Variants in RCAN2 observed in about 807,000 individuals in gnomAD.
RCAN2 encodes the protein regulator of calcineurin 2, also known as calcipressin-2.
In RCAN2, 9 loss-of-function variants were observed where a neutral mutation model predicts 23.6. The ratio of observed to expected loss-of-function variants is 0.38; its 90% CI spans 0.23 to 0.67. The LOEUF (loss-of-function observed/expected upper bound fraction) is 0.67, where lower values mean the gene tolerates loss of function less well. RCAN2 is among the 30% of genes least tolerant of loss of function. The probability of loss-of-function intolerance (pLI) is 0.51; values close to 1 mark genes in which losing one functional copy is unlikely to be tolerated. For synonymous variants in RCAN2, 109 were observed against 115.7 expected (o/e 0.94, Z 0.37); for missense variants, 273 against 302.3 (o/e 0.90, Z 0.72).
At chr6:46,229,055 C>T (rs1176244229) in intron 4 of RCAN2, among the ~76,000 whole-genome samples, 1 of 152,146 alleles carries the variant, frequency 6.6e-6, no homozygotes, top group Admixed American at 6.5e-5. Context: ...ATATGAAATT[C>T]TGGGTTGAAA....
At chr6:46,443,302 A>G (rs1767607018) in intron 2 of RCAN2, among the ~76,000 whole-genome samples, 1 of 152,154 alleles carries the variant, frequency 6.6e-6, no homozygotes, top group Admixed American at 6.5e-5. Context: ...TTTACAACAT[A>G]TATTCAGTGA....
At chr6:46,287,632 G>A (rs1015084388) in intron 2 of RCAN2, among the ~76,000 whole-genome samples, 4 of 152,214 alleles carry the variant, frequency 2.6e-5, no homozygotes, top group African/African-American at 9.6e-5. Flanking sequence ...ACTTTTCACA[G>A]AAGTAGAATA....
intron 2 of RCAN2, among the ~76,000 whole-genome samples, chr6:46,385,851 T>C (rs1382623672): frequency 3.3e-5 from 3 of 90,500 alleles, no homozygotes; most frequent in African/African-American, 9.4e-5. Flanking sequence ...AACAAGACTC[T>C]CTCTCTCTCA....
chr6:46,378,847 C>T (rs918398711), intron 2 of RCAN2, among the ~76,000 whole-genome samples: 17 of 152,166 alleles, frequency 1.1e-4, no homozygotes, highest in African/African-American at 4.1e-4. Flanking sequence ...AGATATTTGG[C>T]AAACTAATTG....
chr6:46,270,133 G>T (rs2150332436), intron 2 of RCAN2, among the ~76,000 whole-genome samples: 1 of 152,250 alleles, frequency 6.6e-6, no homozygotes, highest in Middle Eastern at 3.4e-3. Flanking sequence ...TTGGGCTTGT[G>T]GGTGGGAAGT....
At chr6:46,292,160 A>AC (rs1762582008) in intron 2 of RCAN2, among the ~76,000 whole-genome samples, 1 of 152,212 alleles carries the variant, frequency 6.6e-6, no homozygotes, top group Non-Finnish European at 1.5e-5. Context: ...TTCAACAGAG[A>AC]GAGGATACAA....
chr6:46,393,496 G>A (rs982609840), intron 2 of RCAN2, among the ~76,000 whole-genome samples: 6 of 152,288 alleles, frequency 3.9e-5, no homozygotes, highest in African/African-American at 1.4e-4. Flanking sequence ...ACGGTGGGAT[G>A]AGGGGCATTT....
At chr6:46,424,253 G>C (rs1766972285) in intron 2 of RCAN2, among the ~76,000 whole-genome samples, 1 of 152,130 alleles carries the variant, frequency 6.6e-6, no homozygotes, top group Admixed American at 6.6e-5. Flanking sequence ...AAGGTAAGTG[G>C]GAATATTATC....
intron 2 of RCAN2, among the ~76,000 whole-genome samples, chr6:46,322,248 G>C (rs1763641760): frequency 6.6e-6 from 1 of 152,178 alleles, no homozygotes; most frequent in Non-Finnish European, 1.5e-5. Flanking sequence ...CACACACACA[G>C]AAATTCTGCA....
At chr6:46,238,238 A>T (rs1766177063) in intron 4 of RCAN2, among the ~76,000 whole-genome samples, 1 of 152,098 alleles carries the variant, frequency 6.6e-6, no homozygotes, top group Non-Finnish European at 1.5e-5. Flanking sequence ...TCCTCTATAC[A>T]TCTCACCTCT....
intron 4 of RCAN2, among the ~76,000 whole-genome samples, chr6:46,233,805 G>A (rs940560658): frequency 3.5e-4 from 51 of 146,656 alleles, no homozygotes; most frequent in African/African-American, 1.2e-3. Flanking sequence ...TTGGCTCACC[G>A]CAACCTCTGC....
At chr6:46,461,596 T>C (rs1768207844) in intron 1 of RCAN2, among the ~76,000 whole-genome samples, 1 of 151,726 alleles carries the variant, frequency 6.6e-6, no homozygotes, top group Non-Finnish European at 1.5e-5. Context: ...TTTTTTTTTT[T>C]TCTTTTGAGA....
Position 46,222,909 on chromosome 6 carries a change from T to A in RCAN2, c.*232A>T. The A allele has an allele frequency of 2.0e-6, 1 of 508,420 alleles. No individual in the cohort carries two copies. Among genetic ancestry groups the A allele is most frequent in the Non-Finnish European group, 3.5e-6 (1 of 283,680 alleles). 31.5% of individuals were successfully genotyped at this position (508,420 alleles called of 1,614,324 possible). Reference sequence around the variant, plus strand: ...CTGTGCTGATTGTTTAATAAGAAAATACTACTTTTTTCCCTAGAACCTTCT... The same window carrying A: ...CTGTGCTGATTGTTTAATAAGAAAAAACTACTTTTTTCCCTAGAACCTTCT... On this transcript the variant is annotated 3_prime_UTR_variant, in exon 5 of 5. Transcript: ENST00000371374.
intron 1 of RCAN2, among the ~76,000 whole-genome samples, chr6:46,465,985 AT>A (rs1436334038): frequency 2.0e-5 from 3 of 152,182 alleles, no homozygotes; most frequent in Non-Finnish European, 4.4e-5. Flanking sequence ...CTCTGACTGC[AT>A]TTTTCTTAGA....
chr6:46,306,668 T>G (rs1349801341), intron 2 of RCAN2, among the ~76,000 whole-genome samples: 1 of 152,144 alleles, frequency 6.6e-6, no homozygotes, highest in African/African-American at 2.4e-5. Flanking sequence ...ATGTATGAGC[T>G]CTATTTTGGA....
intron 2 of RCAN2, among the ~76,000 whole-genome samples, chr6:46,426,418 T>A (rs1767034340): frequency 6.6e-6 from 1 of 152,222 alleles, no homozygotes; most frequent in Admixed American, 6.5e-5. Context: ...AATTTTTGGA[T>A]AAATGTTAAT....
At chr6:46,326,360 C>T (rs1203583059) in intron 2 of RCAN2, among the ~76,000 whole-genome samples, 1 of 152,176 alleles carries the variant, frequency 6.6e-6, no homozygotes. Context: ...CAGGGTCTAA[C>T]GGGCAAACTC....
At chr6:46,388,673 T>A (rs1413265691) in intron 2 of RCAN2, among the ~76,000 whole-genome samples, 1 of 152,110 alleles carries the variant, frequency 6.6e-6, no homozygotes, top group African/African-American at 2.4e-5. Context: ...CTGAAAGCCA[T>A]CATCCTCAGC....
At chr6:46,284,088 T>C (rs998016735) in intron 2 of RCAN2, among the ~76,000 whole-genome samples, 5 of 152,236 alleles carry the variant, frequency 3.3e-5, no homozygotes, top group Non-Finnish European at 7.3e-5. Context: ...GAATACTTGA[T>C]AATTTTTTTT....
Sources: allele counts gnomAD v4.1 joint callset (sites outside exome capture counted in the v4.1 genomes callset), GRCh38; gene constraint gnomAD v4.1.1; transcripts MANE v1.5; gene names NCBI Gene and HGNC (gene_info 2026-07-23, HGNC 2026-07-21).